TNFRSF10A: variants seen among roughly 807,000 people sequenced by gnomAD.
The protein encoded by TNFRSF10A is TNF receptor superfamily member 10a, also known as tumor necrosis factor receptor superfamily member 10A.
In TNFRSF10A, 44 loss-of-function variants were observed where a neutral mutation model predicts 42.8. The observed-to-expected ratio is 1.03, with a 90% CI of 0.81 to 1.32. TNFRSF10A has a LOEUF of 1.32. TNFRSF10A is among the 40% of genes most tolerant of loss of function. The pLI is 0.00. For missense variants in TNFRSF10A, 680 were observed against 602.0 expected, an observed-to-expected ratio of 1.13 and a Z score of -1.36; for synonymous variants, 259 against 234.2, an observed-to-expected ratio of 1.11 and a Z score of -0.97.
chr8:23,191,469 T>C lies in TNFRSF10A; in HGVS notation c.*225A>G. The C allele has an allele frequency of 1.6e-6, 1 of 621,986 alleles. No homozygotes were observed. Among genetic ancestry groups the C allele is most frequent in the Non-Finnish European group, 2.7e-6 (1 of 367,396 alleles). The allele number at this position is 621,986 out of a possible 1,614,324, so 38.5% of individuals were successfully genotyped here. A position where few individuals can be genotyped will look rare whatever the true frequency, so the allele number is the denominator to read the frequency against. On this transcript the variant is annotated 3_prime_UTR_variant, in exon 10 of 10. Coordinates refer to ENST00000221132, the MANE Select transcript of TNFRSF10A (RefSeq NM_003844.4). ...ACACACCATCACATCCAGTTAATTT[T>C]TGTATTTTTTTGTAAAGACGGCATT...
intron 1 of TNFRSF10A, among the ~76,000 whole-genome samples, chr8:23,223,540 A>C (rs919947251): frequency 6.6e-6 from 1 of 152,266 alleles, no homozygotes; most frequent in African/African-American, 2.4e-5. Context: ...CGTGGGTTCC[A>C]CCTAACATAA....
chr8:23,205,992 A>T (rs1221363459), intron 2 of TNFRSF10A, among the ~76,000 whole-genome samples: 2 of 152,114 alleles, frequency 1.3e-5, no homozygotes, highest in African/African-American at 4.8e-5. Context: ...CTGGGATTAC[A>T]GGTGTGAGCC....
chr8:23,224,721 G>A lies in TNFRSF10A; in HGVS notation c.306+35C>T, dbSNP rs772638482. The A allele has an allele frequency of 2.7e-5, 41 of 1,540,522 alleles. No homozygotes were observed. The African/African-American group carries it at 3.9e-4, about 15-fold the overall frequency. ...TCTGCCCCCTCCCGGTGCCAGGCGCGCTTTTCCCCAGGCAGGACCGCGGTG... is the reference window on the plus strand; with the variant it reads ...TCTGCCCCCTCCCGGTGCCAGGCGCACTTTTCCCCAGGCAGGACCGCGGTG... On this transcript the variant is annotated intron_variant, in intron 1 of 9. Coordinates refer to ENST00000221132, the MANE Select transcript of TNFRSF10A (RefSeq NM_003844.4).
intron 2 of TNFRSF10A, among the ~76,000 whole-genome samples, chr8:23,211,471 C>G (rs1801091403): frequency 1.3e-5 from 2 of 152,142 alleles, no homozygotes; most frequent in South Asian, 4.1e-4. Context: ...ATGCCAGGAA[C>G]CTCTAAACTG....
intron 9 of TNFRSF10A, among the ~76,000 whole-genome samples, chr8:23,194,207 G>C (rs1260378426): frequency 6.6e-6 from 1 of 152,088 alleles, no homozygotes; most frequent in Non-Finnish European, 1.5e-5. Flanking sequence ...TGTGCATATA[G>C]GTCTAGATGT....
intron 1 of TNFRSF10A, among the ~76,000 whole-genome samples, chr8:23,213,953 TTTG>T (rs147615968): frequency 0.017 from 2,525 of 152,068 alleles, 62 homozygotes; most frequent in African/African-American, 0.057. Flanking sequence ...ACAGCTGCTT[TTTG>T]TTGTTGTTGT....
chr8:23,198,742 T>C (rs1290457257), intron 8 of TNFRSF10A, among the ~76,000 whole-genome samples: 1 of 152,176 alleles, frequency 6.6e-6, no homozygotes, highest in Non-Finnish European at 1.5e-5. Context: ...CATGTGTGTG[T>C]GCATGTGTGT....
chr8:23,214,902 A>G (rs1181001131), intron 1 of TNFRSF10A, among the ~76,000 whole-genome samples: 1 of 152,250 alleles, frequency 6.6e-6, no homozygotes, highest in Non-Finnish European at 1.5e-5. Context: ...AGAGTCAGAA[A>G]AAGATGAAAG....
At position 23,200,694 on chromosome 8, in the gene TNFRSF10A, T is replaced by C. The variant is rs1800897443; in HGVS notation, c.696A>G (p.Lys232=). 1.9e-6 allele frequency: 3 copies of C among 1,614,002 alleles called. No homozygotes were observed. Among genetic ancestry groups the C allele is most frequent in the East Asian group, 2.2e-5 (1 of 44,890 alleles). ...TPWSDIECVH[K]ESGNGHNIWV... is the part of the protein sequence containing the mutation. ...CCCCAGTGGGCTTTGTACCTGATTC[T>C]TTGTGGACACACTCGATGTCACTCC... is the stretch of plus-strand genomic sequence containing the variant. The change falls in exon 5 of 10, where the codon AAA becomes AAG. Residue 232 remains lysine (K), a synonymous_variant. Transcript: ENST00000221132.
chr8:23,212,000 A>C (rs1790100652), intron 2 of TNFRSF10A, 116 bp downstream of exon 2: 1 of 918,212 alleles, frequency 1.1e-6, no homozygotes, highest in African/African-American at 1.7e-5. Flanking sequence ...GGAAACAGAA[A>C]ACTTGAAGAA....
rs368623719 is a variant in TNFRSF10A, at chr8:23,208,157, G to A, written c.403+3959C>T. Among the ~76,000 whole-genome samples the A allele has an allele frequency of 1.9e-3, 282 of 152,294 alleles. 1 individual carries two copies. Among genetic ancestry groups the A allele is most frequent in the African/African-American group, 6.5e-3 (272 of 41,558 alleles). ...GGCTGAGATGATCTCAGATGGAGAT[G>A]AGGAACTTATTGGGAACTGGAGCAA... is the stretch of plus-strand genomic sequence containing the variant. On this transcript the variant is annotated intron_variant, in intron 2 of 9. Coordinates refer to ENST00000221132, the MANE Select transcript of TNFRSF10A (RefSeq NM_003844.4).
chr8:23,202,068 G>T, intron 3 of TNFRSF10A, 149 bp from the exon 4 acceptor site: 1 of 658,390 alleles, frequency 1.5e-6, no homozygotes, highest in Non-Finnish European at 2.7e-6. Context: ...GCACACTCGG[G>T]CTCACACAGG....
At chr8:23,202,818 T>G in intron 2 of TNFRSF10A, 57 bp from the exon 3 acceptor site, 1 of 1,257,658 alleles carries the variant, frequency 8.0e-7, no homozygotes, top group Non-Finnish European at 1.2e-6. Flanking sequence ...CAGAGGATCG[T>G]GGCGGTGGCT....
intron 1 of TNFRSF10A, among the ~76,000 whole-genome samples, chr8:23,220,501 G>A (rs1374223749): frequency 6.6e-6 from 1 of 152,200 alleles, no homozygotes; most frequent in African/African-American, 2.4e-5. Flanking sequence ...ACTCTGCTGT[G>A]GCCCCAGCTC....
Position 23,191,929 on chromosome 8 carries a change from T to C in TNFRSF10A, c.1172A>G (p.Lys391Arg). The C allele has an allele frequency of 6.2e-7, 1 of 1,614,186 alleles. No individual in the cohort carries two copies. The highest frequency in any genetic ancestry group is 8.5e-7 in the Non-Finnish European group (1 of 1,180,042). The change falls in exon 10 of 10, where the codon AAA (lysine) becomes AGA (arginine). Residue 391 changes from lysine to arginine, a missense_variant. Physicochemically the swap from Lys to Arg is conservative, Grantham distance 26. Transcript: ENST00000221132. ...AGCTCTGACCACATCGATCTCATTT[T>C]TCGTGAGGTCCAGCTGCCTCATGAG... ...DQLMRQLDLT[K>R]NEIDVVRAGT...
chr8:23,219,797 T>G (rs1414434823), intron 1 of TNFRSF10A, among the ~76,000 whole-genome samples: 1 of 152,156 alleles, frequency 6.6e-6, no homozygotes, highest in Non-Finnish European at 1.5e-5. Flanking sequence ...GGGGCGAGGG[T>G]GTGATGCACT....
At chr8:23,223,356 C>T (rs1343878170) in intron 1 of TNFRSF10A, among the ~76,000 whole-genome samples, 3 of 152,224 alleles carry the variant, frequency 2.0e-5, no homozygotes, top group Admixed American at 2.0e-4. Context: ...TGAGCCACCG[C>T]GCCTGGCCTC....
chr8:23,224,431 A>C (rs979909899), intron 1 of TNFRSF10A: 11 of 347,052 alleles, frequency 3.2e-5, no homozygotes, highest in Non-Finnish European at 5.8e-5. Flanking sequence ...AAGTTTACAC[A>C]CTTGAGCTCT....
At chr8:23,201,536 T>C (rs938258390) in intron 4 of TNFRSF10A, among the ~76,000 whole-genome samples, 3 of 152,030 alleles carry the variant, frequency 2.0e-5, no homozygotes, top group African/African-American at 7.3e-5. Flanking sequence ...CTCCTGTGCC[T>C]AGTGAACAAG....
Sources: gnomAD v4.1 joint callset for allele counts (sites outside exome capture counted in the v4.1 genomes callset) on GRCh38, gnomAD v4.1.1 for gene constraint, MANE v1.5 for transcripts, NCBI Gene and HGNC (gene_info 2026-07-23, HGNC 2026-07-21) for gene names.